The following GLIPR2 variants were observed in gnomAD, a reference collection of about 807,000 sequenced individuals.
GLIPR2 encodes Golgi-associated plant pathogenesis-related protein 1.
Under a neutral mutation model 20.4 loss-of-function variants are expected in GLIPR2, and 21 were observed. The observed-to-expected ratio is 1.03, with a 90% confidence interval of 0.73 to 1.48. The LOEUF (loss-of-function observed/expected upper bound fraction) is 1.48. Among genes scored for constraint, GLIPR2 ranks in the 40% most tolerant of loss-of-function variants. The pLI is 0.00. For synonymous variants in GLIPR2, 91 were observed against 80.5 expected (o/e 1.13, Z -0.70); for missense variants, 205 against 200.1 (o/e 1.02, Z -0.15).
chr9:36,159,332 C>T (rs146201438), intron 4 of GLIPR2, among the ~76,000 whole-genome samples: 8 of 152,234 alleles, frequency 5.3e-5, no homozygotes, highest in Non-Finnish European at 8.8e-5. Context: ...TGTAATGTGT[C>T]GAAGTCTCAA....
Position 36,150,916 on chromosome 9 carries a change from A to G in GLIPR2, c.271A>G (p.Asn91Asp). 1.2e-6 allele frequency: 2 copies of G among 1,613,912 alleles called. No homozygotes were observed. The highest frequency in any genetic ancestry group is 1.7e-6 in the Non-Finnish European group (2 of 1,179,858). ...ATGGTACAGTGAAATCAAGAACTAT[A>G]ACTTCCAGCAGCCTGGCTTCACCTC... ...DRWYSEIKNY[N>D]FQQPGFTSGT... is the part of the protein sequence containing the mutation. Residue 91 changes from asparagine (N) to aspartate (D), a missense_variant, in exon 4 of 5, where the codon AAC becomes GAC. Physicochemically the swap from Asn to Asp is conservative, Grantham distance 23 (BLOSUM62 1). Coordinates refer to ENST00000377960, the MANE Select transcript of GLIPR2 (RefSeq NM_022343.4).
At chr9:36,151,748 T>C (rs1825597231) in intron 4 of GLIPR2, among the ~76,000 whole-genome samples, 1 of 152,146 alleles carries the variant, frequency 6.6e-6, no homozygotes, top group African/African-American at 2.4e-5. Context: ...CCGGGGTCCC[T>C]CTGGGCAGCC....
upstream of GLIPR2, chr9:36,136,677 G>A (rs1824828415): frequency 1.1e-6 from 1 of 891,160 alleles, no homozygotes; most frequent in Non-Finnish European, 1.5e-6. The surrounding 1 kb of genome is among the most constrained non-coding windows in gnomAD (Gnocchi z 4.3). Context: ...CGCCGGAGGA[G>A]GGGCCGCGGC....
At chr9:36,137,616 C>T (rs1824884359) in intron 1 of GLIPR2, among the ~76,000 whole-genome samples, 1 of 152,208 alleles carries the variant, frequency 6.6e-6, no homozygotes. Flanking sequence ...GTGTTTTCCT[C>T]GCTGCAGCCC....
intron 4 of GLIPR2, among the ~76,000 whole-genome samples, chr9:36,151,277 G>A (rs1015688060): frequency 1.3e-5 from 2 of 152,064 alleles, no homozygotes; most frequent in Non-Finnish European, 2.9e-5. Flanking sequence ...TCCTGAACTG[G>A]TCACCCTGTG....
chr9:36,140,349 A>C (rs970462913), intron 1 of GLIPR2, among the ~76,000 whole-genome samples: 1 of 152,186 alleles, frequency 6.6e-6, no homozygotes, highest in Admixed American at 6.5e-5. Context: ...TGCAGGGAGA[A>C]GCTGTGTGGG....
chr9:36,150,363 A>G (rs1033772420), intron 3 of GLIPR2, among the ~76,000 whole-genome samples: 2 of 152,198 alleles, frequency 1.3e-5, no homozygotes, highest in African/African-American at 4.8e-5. Flanking sequence ...GTGTGGGGAC[A>G]GTGGATGCCC....
intron 4 of GLIPR2, among the ~76,000 whole-genome samples, chr9:36,160,399 G>A (rs1826005647): frequency 6.6e-6 from 1 of 152,128 alleles, no homozygotes; most frequent in Non-Finnish European, 1.5e-5. Context: ...AAGCTGAGGT[G>A]GGAGGGTCTC....
rs1478708708 is a variant in GLIPR2, at chr9:36,162,384, G to A, written c.327G>A (p.Trp109Ter). ...CAGGACACTTCACGGCCATGGTATG[G>A]AAGAACACCAAGAAGATGGGCGTGG... is the stretch of plus-strand genomic sequence containing the variant. ...SGTGHFTAMVWKNTKKMGVGK... is the reference protein window; with the variant it reads ...SGTGHFTAMV Residue 109 changes from tryptophan to a stop codon, truncating the protein, a stop_gained, in exon 5 of 5, where the codon TGG becomes TGA. Coordinates refer to ENST00000377960, the MANE Select transcript of GLIPR2 (RefSeq NM_022343.4). LOFTEE classifies it high-confidence loss of function. 6.2e-7 allele frequency: 1 copy of A among 1,613,790 alleles called. No homozygotes were observed. Among genetic ancestry groups the A allele is most frequent in the Non-Finnish European group, 8.5e-7 (1 of 1,179,796 alleles).
chr9:36,141,833 T>G, intron 1 of GLIPR2: 1 of 455,260 alleles, frequency 2.2e-6, no homozygotes, highest in Non-Finnish European at 4.4e-6. Flanking sequence ...TTTTTTTTTT[T>G]TGTCCTCCTC....
chr9:36,149,970 G>A (rs1391519085), intron 3 of GLIPR2, among the ~76,000 whole-genome samples: 2 of 152,246 alleles, frequency 1.3e-5, no homozygotes, highest in African/African-American at 2.4e-5. Context: ...GGAGGTTGCC[G>A]TGAGCTGAGA....
intron 4 of GLIPR2, among the ~76,000 whole-genome samples, chr9:36,151,387 TC>T (rs1194057118): frequency 6.6e-6 from 1 of 152,116 alleles, no homozygotes; most frequent in Non-Finnish European, 1.5e-5. Flanking sequence ...CTGCCATGGC[TC>T]CCTGGGGCCA....
chr9:36,159,333 G>A (rs75857750), intron 4 of GLIPR2, among the ~76,000 whole-genome samples: 1,652 of 152,246 alleles, frequency 0.011, 33 homozygotes, highest in African/African-American at 0.038. Context: ...GTAATGTGTC[G>A]AAGTCTCAAA....
intron 4 of GLIPR2, among the ~76,000 whole-genome samples, chr9:36,157,780 A>G (rs1318622639): frequency 6.6e-6 from 1 of 150,924 alleles, no homozygotes; most frequent in Non-Finnish European, 1.5e-5. Context: ...TTGTTGATGG[A>G]CACTTGGGCT....
chr9:36,161,635 C>CCA (rs1826056614), intron 4 of GLIPR2, among the ~76,000 whole-genome samples: 1 of 151,848 alleles, frequency 6.6e-6, no homozygotes, highest in Non-Finnish European at 1.5e-5. Context: ...ATCCTAGAAA[C>CCA]CAAAAGGGGG....
In GLIPR2 at chr9:36,162,983, T is replaced by C. The variant is rs112118202; in HGVS notation, c.*461T>C. On this transcript the variant is annotated 3_prime_UTR_variant, in exon 5 of 5. Coordinates refer to ENST00000377960, the MANE Select transcript of GLIPR2 (RefSeq NM_022343.4). The stretch of plus-strand genomic sequence containing the variant: ...ACCCTCATTTAAATGTGACATAAAA[T>C]ACAGCTTTAAGCACATAAATACAAA... 5.0e-3 allele frequency: 2,251 copies of C among 446,518 alleles called. 37 individuals carry two copies. Among genetic ancestry groups the C allele is most frequent in the African/African-American group, 0.04 (1,977 of 49,516 alleles). The allele number at this position is 446,518 out of a possible 1,614,324, so 27.7% of individuals were successfully genotyped here.
intron 1 of GLIPR2, among the ~76,000 whole-genome samples, chr9:36,140,874 C>T (rs930400136): frequency 3.9e-5 from 6 of 152,088 alleles, no homozygotes; most frequent in East Asian, 1.9e-4. Context: ...AATCCTGTCC[C>T]GCCTTCGCTG....
intron 4 of GLIPR2, among the ~76,000 whole-genome samples, chr9:36,155,599 A>G (rs1825794962): frequency 6.6e-6 from 1 of 152,198 alleles, no homozygotes; most frequent in Admixed American, 6.5e-5. Flanking sequence ...CTCAAAAAAA[A>G]AAAGTTTTAA....
chr9:36,138,576 C>A (rs1324588823), intron 1 of GLIPR2, among the ~76,000 whole-genome samples: 4 of 152,182 alleles, frequency 2.6e-5, no homozygotes, highest in Admixed American at 6.5e-5. Flanking sequence ...CAGAACTGCT[C>A]ATATTCAGCT....
Sources: allele counts gnomAD v4.1 joint callset (sites outside exome capture counted in the v4.1 genomes callset), GRCh38; gene constraint gnomAD v4.1.1; non-coding constraint Gnocchi (gnomAD v3.1); transcripts MANE v1.5; gene names NCBI Gene and HGNC (gene_info 2026-07-23, HGNC 2026-07-21).